Variants in JPH3 observed in about 807,000 individuals in gnomAD.
The protein encoded by JPH3 is junctophilin-3.
Under a neutral mutation model 59.6 loss-of-function variants are expected in JPH3, and 11 were observed. That is an observed-to-expected ratio of 0.18 (90% CI 0.12 to 0.31). The LOEUF (loss-of-function observed/expected upper bound fraction) is 0.31. Ranked by LOEUF, JPH3 falls within the 10% of genes least tolerant of loss-of-function variation. The pLI is 1.00. For missense variants in JPH3, 1,202 were observed against 1,105.7 expected (o/e 1.09, Z -1.24); for synonymous variants, 673 against 483.6 (o/e 1.39, Z -5.14).
At position 87,677,215 on chromosome 16, in the gene JPH3, CACACACACACAAAAAAAA is replaced by C. The variant is rs1304471338; in HGVS notation, c.1161-6925_1161-6908del. Among the ~76,000 whole-genome samples, 465 of 125,694 alleles carry C rather than the reference CACACACACACAAAAAAAA, an allele frequency of 3.7e-3. 18 individuals are homozygous for C. Among genetic ancestry groups the C allele is most frequent in the African/African-American group, 0.014 (427 of 29,852 alleles). The allele number at this position is 125,694 out of a possible 152,430, so 82.5% of individuals were successfully genotyped here. ...ACACACACACACACACACACACACA[CACACACACACAAAAAAAA>C]AAATTAGCCGGGTGTGGTGGGCGCC... On this transcript the variant is annotated intron_variant, in intron 2 of 4. Transcript: ENST00000284262.
intron 4 of JPH3, 63 bp from the exon 5 acceptor site, chr16:87,696,517 C>T (rs758374459): frequency 5.8e-5 from 78 of 1,350,832 alleles, no homozygotes; most frequent in African/African-American, 1.7e-4. Flanking sequence ...GGGTGGGAGG[C>T]GTGGTGGCCC....
chr16:87,694,412 G>A (rs951722705), intron 4 of JPH3: 5 of 152,214 alleles, frequency 3.3e-5, no homozygotes, highest in Admixed American at 2.0e-4. Flanking sequence ...AGGGTCCCCG[G>A]GCCAGACGGT....
At chr16:87,676,038 G>A (rs988287466) in intron 2 of JPH3, among the ~76,000 whole-genome samples, 9 of 152,270 alleles carry the variant, frequency 5.9e-5, no homozygotes, top group Admixed American at 2.0e-4. Context: ...GGTTTCTGTC[G>A]CAGGCGACGA....
chr16:87,677,185 T>TATATACACACAC (rs1491266129), intron 2 of JPH3, among the ~76,000 whole-genome samples: 42 of 95,190 alleles, frequency 4.4e-4, no homozygotes, highest in African/African-American at 1.1e-3. Flanking sequence ...TATATATATA[T>TATATACACACAC]ACACACACAC....
At chr16:87,622,659 G>C (rs1409454007) in intron 1 of JPH3, among the ~76,000 whole-genome samples, 6 of 141,266 alleles carry the variant, frequency 4.2e-5, no homozygotes, top group South Asian at 4.3e-4. Flanking sequence ...CTGAGGGCTG[G>C]GACCTGCAGG....
At chr16:87,634,922 C>T (rs1241379991) in intron 1 of JPH3, among the ~76,000 whole-genome samples, 1 of 152,234 alleles carries the variant, frequency 6.6e-6, no homozygotes, top group Non-Finnish European at 1.5e-5. Flanking sequence ...CCTGTCTCTG[C>T]CTCAGTTTCC....
chr16:87,648,641 A>G (rs1227867545), intron 2 of JPH3, among the ~76,000 whole-genome samples: 1 of 151,726 alleles, frequency 6.6e-6, no homozygotes, highest in Non-Finnish European at 1.5e-5. Flanking sequence ...TGCACTGCTA[A>G]GGGGACTGGC....
intron 4 of JPH3, among the ~76,000 whole-genome samples, chr16:87,691,419 A>G (rs2033569746): frequency 2.6e-5 from 4 of 152,214 alleles, no homozygotes; most frequent in South Asian, 4.1e-4. Flanking sequence ...GGTGCTGAAC[A>G]GAAGTGCTGC....
chr16:87,657,667 C>T (rs1168141126), intron 2 of JPH3, among the ~76,000 whole-genome samples: 1 of 152,208 alleles, frequency 6.6e-6, no homozygotes, highest in Non-Finnish European at 1.5e-5. Context: ...TGTGCCCAGG[C>T]CTCTTCTGTC....
At chr16:87,631,503 G>T (rs1368728261) in intron 1 of JPH3, among the ~76,000 whole-genome samples, 1 of 152,116 alleles carries the variant, frequency 6.6e-6, no homozygotes, top group Non-Finnish European at 1.5e-5. Context: ...CTGTTTTTAT[G>T]TTTCTCTGGA....
At chr16:87,693,006 G>A (rs1178913057) in intron 4 of JPH3, among the ~76,000 whole-genome samples, 2 of 152,368 alleles carry the variant, frequency 1.3e-5, no homozygotes, top group African/African-American at 2.4e-5. Context: ...AGTGGGCAGG[G>A]CTGGGCCCTT....
chr16:87,673,794 C>T (rs1377860810), intron 2 of JPH3, among the ~76,000 whole-genome samples: 4 of 151,916 alleles, frequency 2.6e-5, no homozygotes, highest in Non-Finnish European at 5.9e-5. Flanking sequence ...GGTGTGATGG[C>T]GGGCACCTGT....
intron 1 of JPH3, among the ~76,000 whole-genome samples, chr16:87,638,909 T>C (rs1459457878): frequency 1.3e-5 from 2 of 151,942 alleles, no homozygotes; most frequent in Admixed American, 1.3e-4. Flanking sequence ...ATGTGAAGTG[T>C]GGCCCCCAGC....
intron 2 of JPH3, among the ~76,000 whole-genome samples, chr16:87,663,791 A>C (rs1194740699): frequency 6.6e-6 from 1 of 152,102 alleles, no homozygotes; most frequent in Non-Finnish European, 1.5e-5. Flanking sequence ...GTGCCGTGTT[A>C]ATGTGTCTCT....
chr16:87,645,327 A>C (rs1344246742), intron 2 of JPH3, among the ~76,000 whole-genome samples: 1 of 152,144 alleles, frequency 6.6e-6, no homozygotes, highest in East Asian at 1.9e-4. Flanking sequence ...TTTAGTGTAA[A>C]ATATTGGTGA....
intron 2 of JPH3, among the ~76,000 whole-genome samples, chr16:87,652,532 C>T (rs1051155928): frequency 6.6e-6 from 1 of 152,252 alleles, no homozygotes; most frequent in African/African-American, 2.4e-5. Context: ...GGTGCCATCA[C>T]GACTCACTGC....
intron 2 of JPH3, among the ~76,000 whole-genome samples, chr16:87,664,305 C>T (rs539703619): frequency 5.1e-4 from 69 of 134,626 alleles, no homozygotes; most frequent in African/African-American, 1.9e-3. Flanking sequence ...CACCTCCAGC[C>T]TGGGCGACAG....
rs1386569965 is a variant in JPH3, at chr16:87,689,555, G to T, written c.1286-91G>T. Reference sequence around the variant, plus strand: ...TGGGAAGCGCCTCTGCTGCCCTGAGGTTCCCTCTGGCGCCCTGGCCCGGGG... The same window carrying T: ...TGGGAAGCGCCTCTGCTGCCCTGAGTTTCCCTCTGGCGCCCTGGCCCGGGG... On this transcript the variant is annotated intron_variant, in intron 3 of 4. Coordinates refer to ENST00000284262, the MANE Select transcript of JPH3 (RefSeq NM_020655.4). 7 of 1,389,666 alleles carry T rather than the reference G, an allele frequency of 5.0e-6. No homozygotes were observed. The Middle Eastern group carries it at 7.2e-4, about 142-fold the overall frequency. 86.1% of individuals were successfully genotyped at this position (1,389,666 alleles called of 1,614,324 possible).
In JPH3 at chr16:87,648,092, G is replaced by A. The variant is rs117464230; in HGVS notation, c.1160+3057G>A. On this transcript the variant is annotated intron_variant, in intron 2 of 4. Coordinates refer to ENST00000284262, the MANE Select transcript of JPH3 (RefSeq NM_020655.4). ...CCCCAGCCCTGCTGTGACAGGCATG[G>A]GAGGCAGGTGTGTTTGTGAGCTCAC... is the stretch of plus-strand genomic sequence containing the variant. Among the ~76,000 whole-genome samples the A allele has an allele frequency of 6.5e-4, 98 of 151,468 alleles. No homozygotes were observed. In the East Asian group the frequency reaches 0.017, roughly 26 times the overall value.
Sources: allele counts gnomAD v4.1 joint callset (sites outside exome capture counted in the v4.1 genomes callset), GRCh38; gene constraint gnomAD v4.1.1; transcripts MANE v1.5; gene names NCBI Gene and HGNC (gene_info 2026-07-23, HGNC 2026-07-21).